Variants in SLC26A8 observed in about 807,000 individuals in gnomAD.
SLC26A8 encodes the protein solute carrier family 26 member 8, also known as testis anion transporter 1.
Under a neutral mutation model 105.0 loss-of-function variants are expected in SLC26A8, and 70 were observed. That is an observed-to-expected ratio of 0.67 (90% CI 0.55 to 0.81). The LOEUF is 0.81. Ranked by LOEUF, SLC26A8 falls within the 40% of genes least tolerant of loss-of-function variation. The pLI is 0.00. For missense variants in SLC26A8, 998 were observed against 1,181.8 expected (o/e 0.84, Z 2.28); for synonymous variants, 415 against 438.3 (o/e 0.95, Z 0.66).
chr6:36,014,780 C>G (rs1326193033), intron 2 of SLC26A8, among the ~76,000 whole-genome samples: 1 of 151,888 alleles, frequency 6.6e-6, no homozygotes, highest in African/African-American at 2.4e-5. Context: ...GCAGAAGAAT[C>G]GCTTGAACCC....
In SLC26A8 at chr6:35,944,009, G is replaced by A; in HGVS notation, c.2804C>T (p.Ser935Phe). The A allele has an allele frequency of 6.2e-7, 1 of 1,614,132 alleles. No individual in the cohort carries two copies. Among genetic ancestry groups the A allele is most frequent in the South Asian group, 1.1e-5 (1 of 91,088 alleles). ...QQRYWPMYHP[S>F]MASTQSQTQT... is the part of the protein sequence containing the mutation. ...AGTCTGAGACTGGGTGGAAGCCATAGACGGATGATACATAGGCCAGTAACG... is the reference window on the plus strand; with the variant it reads ...AGTCTGAGACTGGGTGGAAGCCATAAACGGATGATACATAGGCCAGTAACG... Residue 935 changes from serine to phenylalanine, a missense_variant, in exon 20 of 20, where the codon TCT (serine) becomes TTT (phenylalanine). Ser to Phe is a radical substitution (Grantham distance 155, BLOSUM62 -2). Transcript: ENST00000490799.
chr6:35,951,827 C>T (rs1771883742), intron 17 of SLC26A8, among the ~76,000 whole-genome samples: 1 of 152,176 alleles, frequency 6.6e-6, no homozygotes, highest in Non-Finnish European at 1.5e-5. Context: ...CTGCCTGCCT[C>T]GACGTCCCAA....
rs147094400 is a variant in SLC26A8 at position 35,991,787 on chromosome 6, C to T, written c.814G>A (p.Ala272Thr). ...CTGGTGGAATTCGCTTTTGGGAGAG[C>T]TACACAGTAATTAATTATGTCCTGA... ...FFYDIINYCVALPKANSTSIL... is the reference protein window; with the variant it reads ...FFYDIINYCVTLPKANSTSIL... Residue 272 changes from alanine to threonine, a missense_variant, in exon 7 of 20, where the codon GCT (alanine) becomes ACT (threonine). Coordinates refer to ENST00000490799, the MANE Select transcript of SLC26A8 (RefSeq NM_052961.4). 3 of 1,598,084 alleles carry T rather than the reference C, an allele frequency of 1.9e-6. No individual in the cohort carries two copies. The highest frequency in any genetic ancestry group is 1.3e-5 in the African/African-American group (1 of 74,162).
chr6:35,950,040 G>A (rs939952758), intron 19 of SLC26A8, among the ~76,000 whole-genome samples: 33 of 152,010 alleles, frequency 2.2e-4, no homozygotes, highest in African/African-American at 6.7e-4. Context: ...CTAGTGATTC[G>A]CCTGCCTTGG....
At chr6:35,965,260 C>G (rs1772462830) in intron 11 of SLC26A8, among the ~76,000 whole-genome samples, 1 of 152,044 alleles carries the variant, frequency 6.6e-6, no homozygotes, top group Admixed American at 6.6e-5. Context: ...TGAAAATGAG[C>G]ATGTTTACTT....
At chr6:35,955,045 T>A (rs760297701) in intron 17 of SLC26A8, 107 bp downstream of exon 17, 10 of 1,360,470 alleles carry the variant, frequency 7.4e-6, no homozygotes, top group Non-Finnish European at 1.0e-5. Context: ...GGCCTAGCAG[T>A]CTCATAGCAG....
At chr6:35,990,769 GA>G (rs1176024054) in intron 7 of SLC26A8, among the ~76,000 whole-genome samples, 5 of 152,198 alleles carry the variant, frequency 3.3e-5, no homozygotes, top group African/African-American at 1.2e-4. Context: ...GTGAATAACT[GA>G]AAATACTAAA....
At chr6:35,961,767 C>T (rs1344692400) in intron 12 of SLC26A8, among the ~76,000 whole-genome samples, 1 of 152,234 alleles carries the variant, frequency 6.6e-6, no homozygotes, top group Non-Finnish European at 1.5e-5. Flanking sequence ...CCTCTCATCA[C>T]ATTCTATCCT....
intron 11 of SLC26A8, among the ~76,000 whole-genome samples, chr6:35,965,381 A>AT (rs1772467103): frequency 1.3e-5 from 2 of 152,080 alleles, no homozygotes; most frequent in African/African-American, 2.4e-5. Flanking sequence ...TTTAAGAAGC[A>AT]TTTTTGCTCA....
chr6:35,955,478 C>T lies in SLC26A8; in HGVS notation c.1906G>A (p.Ala636Thr), dbSNP rs375526103. 10 of 1,614,024 alleles carry T rather than the reference C, an allele frequency of 6.2e-6. No individual in the cohort carries two copies. In the African/African-American group the frequency reaches 1.3e-4, roughly 22 times the overall value. The change falls in exon 17 of 20, where the codon GCA becomes ACA. Residue 636 changes from alanine (A) to threonine (T), a missense_variant. Physicochemically the swap from Ala to Thr is moderately conservative, Grantham distance 58 (BLOSUM62 0). Coordinates refer to ENST00000490799, the MANE Select transcript of SLC26A8 (RefSeq NM_052961.4). ...ERFENKLDPE[A>T]SSINLIHCSH... ...CAGTGAATCAGGTTAATGGAGGATG[C>T]TTCGGGATCCAGTTTATTTTCAAAT... is the stretch of plus-strand genomic sequence containing the variant.
intron 10 of SLC26A8, chr6:35,969,291 C>T (rs2127311295): frequency 4.1e-6 from 1 of 246,862 alleles, no homozygotes; most frequent in South Asian, 4.8e-5. Flanking sequence ...TTAACCTCTC[C>T]TTGCACAATT....
Position 35,951,474 on chromosome 6 carries a change from T to C in SLC26A8, c.2258A>G (p.Asn753Ser). The change falls in exon 18 of 20, where the codon AAC (asparagine) becomes AGC (serine). Residue 753 changes from asparagine (N) to serine (S), a missense_variant. Coordinates refer to ENST00000490799, the MANE Select transcript of SLC26A8 (RefSeq NM_052961.4). Reference sequence around the variant, plus strand: ...ACACCCTGCAATGAGTATCAAAATGTTGGCGTTTTGAAAGGCATTGCATAT... The same window carrying C: ...ACACCCTGCAATGAGTATCAAAATGCTGGCGTTTTGAAAGGCATTGCATAT... The part of the protein sequence containing the change: ...RQICNAFQNA[N>S]ILILIAGCHS... The C allele has an allele frequency of 1.2e-6, 2 of 1,614,178 alleles. No homozygotes were observed. Among genetic ancestry groups the C allele is most frequent in the Non-Finnish European group, 1.7e-6 (2 of 1,180,020 alleles).
chr6:35,962,688 A>T, intron 11 of SLC26A8, 67 bp from the exon 12 acceptor site: 11 of 1,482,932 alleles, frequency 7.4e-6, no homozygotes, highest in Non-Finnish European at 1.0e-5. Context: ...ATCCCCACCA[A>T]GGAATCACAA....
chr6:35,943,608 G>A lies in SLC26A8; in HGVS notation c.*292C>T, dbSNP rs1581615356. 3 of 354,954 alleles carry A rather than the reference G, an allele frequency of 8.5e-6. No homozygotes were observed. Among genetic ancestry groups the A allele is most frequent in the Non-Finnish European group, 1.0e-5 (2 of 191,216 alleles). The allele number at this position is 354,954 out of a possible 1,614,324, so 22.0% of individuals were successfully genotyped here. A position where few individuals can be genotyped will look rare whatever the true frequency, so the allele number is the denominator to read the frequency against. The stretch of plus-strand genomic sequence containing the variant: ...TAAGTTAGAGATGGTCTGGCACAAA[G>A]CCCAGAGATGTGGGGTGTGTGAAGA... On this transcript the variant is annotated 3_prime_UTR_variant, in exon 20 of 20. Transcript: ENST00000490799.
chr6:35,955,664 A>G lies in SLC26A8; in HGVS notation c.1864-144T>C. The G allele has an allele frequency of 2.8e-6, 3 of 1,073,350 alleles. No homozygotes were observed. In the South Asian group the frequency reaches 4.9e-5, roughly 17 times the overall value. The allele number at this position is 1,073,350 out of a possible 1,614,324, so 66.5% of individuals were successfully genotyped here. On this transcript the variant is annotated intron_variant, in intron 16 of 19. Transcript: ENST00000490799. ...CGAGAGTAGGTACTGTGCATTTTTTACTTGGATATCTGTCACTTCAAGCTC... is the reference window on the plus strand; with the variant it reads ...CGAGAGTAGGTACTGTGCATTTTTTGCTTGGATATCTGTCACTTCAAGCTC...
intron 11 of SLC26A8, among the ~76,000 whole-genome samples, chr6:35,964,588 A>G (rs1417469707): frequency 1.3e-5 from 2 of 152,000 alleles, no homozygotes; most frequent in Non-Finnish European, 2.9e-5. Flanking sequence ...CAGAGGTTTC[A>G]GTGAGCCAAG....
At chr6:35,971,195 C>T (rs918453253) in intron 10 of SLC26A8, among the ~76,000 whole-genome samples, 30 of 152,176 alleles carry the variant, frequency 2.0e-4, no homozygotes, top group African/African-American at 7.2e-4. Context: ...ATCAGAGGAC[C>T]ATCTTCTGTG....
chr6:35,996,268 A>AG, intron 5 of SLC26A8, among the ~76,000 whole-genome samples: 1 of 152,176 alleles, frequency 6.6e-6, no homozygotes. Flanking sequence ...AGACAGTCCC[A>AG]GGGGAGATCA....
chr6:35,970,713 G>C (rs1337744052), intron 10 of SLC26A8, among the ~76,000 whole-genome samples: 1 of 152,148 alleles, frequency 6.6e-6, no homozygotes, highest in Non-Finnish European at 1.5e-5. Context: ...AAGGCAGGCA[G>C]ACACAAAATA....
Sources: allele counts gnomAD v4.1 joint callset (sites outside exome capture counted in the v4.1 genomes callset), GRCh38; gene constraint gnomAD v4.1.1; transcripts MANE v1.5; gene names NCBI Gene and HGNC (gene_info 2026-07-23, HGNC 2026-07-21).